IQSEC3: variants seen among roughly 807,000 people sequenced by gnomAD.
The protein encoded by IQSEC3 is IQ motif and Sec7 domain ArfGEF 3.
IQSEC3 carries 50 observed loss-of-function variants against 105.4 expected under a neutral mutation model. The ratio of observed to expected loss-of-function variants is 0.47; its 90% confidence interval spans 0.38 to 0.60. The LOEUF (loss-of-function observed/expected upper bound fraction) is 0.60, where lower values mean the gene tolerates loss of function less well. IQSEC3 is among the 20% of genes least tolerant of loss of function. The pLI is 0.00. For synonymous variants in IQSEC3, 708 were observed against 746.0 expected, an observed-to-expected ratio of 0.95 and a Z score of 0.83; for missense variants, 1,415 against 1,630.0, an observed-to-expected ratio of 0.87 and a Z score of 2.27.
intron 1 of IQSEC3, among the ~76,000 whole-genome samples, chr12:94,449 C>A (rs1864184162): frequency 6.6e-6 from 1 of 152,194 alleles, no homozygotes; most frequent in South Asian, 2.1e-4. Flanking sequence ...TCAGCATGAG[C>A]TAAACCCTGA....
chr12:126,506 G>C (rs927944422), intron 3 of IQSEC3, among the ~76,000 whole-genome samples: 2 of 151,624 alleles, frequency 1.3e-5, no homozygotes, highest in Non-Finnish European at 2.9e-5. Context: ...AAAAGATAAT[G>C]CCTCAGTTTG....
Position 125,903 on chromosome 12 carries a change from G to A in IQSEC3, c.894G>A (p.Lys298=), listed in dbSNP as rs985639416. The A allele has an allele frequency of 5.2e-6, 8 of 1,533,166 alleles. No homozygotes were observed. Among genetic ancestry groups the A allele is most frequent in the Non-Finnish European group, 7.0e-6 (8 of 1,146,276 alleles). 95.0% of individuals were successfully genotyped at this position (1,533,166 alleles called of 1,614,324 possible). The change falls in exon 3 of 14, where the codon AAG becomes AAA. Residue 298 remains lysine (K), a synonymous_variant. Coordinates refer to ENST00000538872, the MANE Select transcript of IQSEC3 (RefSeq NM_001170738.2). ...ATTACGAACTCTCCCTTGACCTAAA[G>A]AATAAACAGGTACCCAGGGCCTCCT... ...ASDYELSLDL[K]NKQIEMLEHK...
chr12:170,923 C>T (rs1938955094), intron 12 of IQSEC3, among the ~76,000 whole-genome samples, 189 bp from the exon 13 acceptor site: 1 of 152,208 alleles, frequency 6.6e-6, no homozygotes, highest in Non-Finnish European at 1.5e-5. Context: ...TGCGGCAGCC[C>T]AGAGAGATGT....
chr12:156,745 G>A (rs1555094367), intron 5 of IQSEC3, among the ~76,000 whole-genome samples: 1 of 152,202 alleles, frequency 6.6e-6, no homozygotes. Flanking sequence ...AAGAAGGAAG[G>A]AACTGGGATT....
chr12:103,165 G>T (rs1309145405), intron 2 of IQSEC3, among the ~76,000 whole-genome samples: 1 of 151,782 alleles, frequency 6.6e-6, no homozygotes, highest in African/African-American at 2.4e-5. Context: ...CCCTACTTTC[G>T]ATCCTGCCGC....
At chr12:163,053 CA>C (rs1400335275) in intron 8 of IQSEC3, among the ~76,000 whole-genome samples, 2 of 152,046 alleles carry the variant, frequency 1.3e-5, no homozygotes, top group African/African-American at 2.4e-5. Context: ...AGCCCTGGGA[CA>C]GGGGGTGAAC....
intron 7 of IQSEC3, 150 bp from the exon 8 acceptor site, chr12:161,776 T>C: frequency 1.5e-6 from 1 of 665,770 alleles, no homozygotes; most frequent in Non-Finnish European, 2.6e-6. Context: ...ATTGAATGGG[T>C]ATGAGGCACC....
At chr12:158,593 A>G (rs1158694996) in intron 7 of IQSEC3, among the ~76,000 whole-genome samples, 1 of 152,342 alleles carries the variant, frequency 6.6e-6, no homozygotes, top group East Asian at 1.9e-4. Flanking sequence ...CCATTTGACG[A>G]GTCCTGCCAG....
chr12:101,407 G>C (rs1180920254), intron 2 of IQSEC3, among the ~76,000 whole-genome samples: 2 of 152,240 alleles, frequency 1.3e-5, no homozygotes, highest in African/African-American at 4.8e-5. Context: ...CATGACCTTA[G>C]TTTCCAAGAG....
At chr12:71,353 T>C (rs1230914584) in intron 1 of IQSEC3, among the ~76,000 whole-genome samples, 7 of 152,272 alleles carry the variant, frequency 4.6e-5, no homozygotes, top group Non-Finnish European at 1.0e-4. Context: ...CACTCAGTGC[T>C]GTGGAAAGAT....
At chr12:120,518 GT>G (rs1485958969) in intron 2 of IQSEC3, among the ~76,000 whole-genome samples, 2 of 152,126 alleles carry the variant, frequency 1.3e-5, no homozygotes, top group East Asian at 1.9e-4. Context: ...TAGACAGGCT[GT>G]GGTGGCCACT....
rs1206674089 is a variant in IQSEC3, at chr12:99,262, T to C, written c.623+48T>C. 12 of 1,547,756 alleles carry C rather than the reference T, an allele frequency of 7.8e-6. No homozygotes were observed. The Admixed American group carries it at 1.6e-4, about 21-fold the overall frequency. ...CCTTCCGCATCCCCACCTTCCTTCC[T>C]GTTACAACAAAGCACGTACCACTGC... On this transcript the variant is annotated intron_variant, in intron 2 of 13. Coordinates refer to ENST00000538872, the MANE Select transcript of IQSEC3 (RefSeq NM_001170738.2).
In IQSEC3 at chr12:121,243, G is replaced by A. The variant is rs534763099; in HGVS notation, c.624-4390G>A. Among the ~76,000 whole-genome samples the A allele has an allele frequency of 2.0e-5, 3 of 152,332 alleles. No homozygotes were observed. In the East Asian group the frequency reaches 5.8e-4, roughly 29 times the overall value. ...GATGTTCTGGGAGCTAGAGCGATGG[G>A]CTTCCAGTTCCATAAGAGACTGGAT... On this transcript the variant is annotated intron_variant, in intron 2 of 13. Coordinates refer to ENST00000538872, the MANE Select transcript of IQSEC3 (RefSeq NM_001170738.2).
intron 1 of IQSEC3, among the ~76,000 whole-genome samples, chr12:86,126 G>C (rs1198850348): frequency 6.6e-6 from 1 of 152,206 alleles, no homozygotes; most frequent in Non-Finnish European, 1.5e-5. Flanking sequence ...GGAAAAAATA[G>C]ATGTTGCATT....
Position 141,181 on chromosome 12 carries a change from C to T in IQSEC3, c.2049C>T (p.Pro683=), listed in dbSNP as rs1315963179. The T allele has an allele frequency of 3.7e-6, 6 of 1,613,806 alleles. No homozygotes were observed. The highest frequency in any genetic ancestry group is 4.2e-6 in the Non-Finnish European group (5 of 1,179,972). ...CACGCGGCTTCATCCCGGACACCCC[C>T]ATCGGTGTGGCCCATTTCCTCCTCC... is the stretch of plus-strand genomic sequence containing the variant. The part of the protein sequence containing the change: ...LISRGFIPDT[P]IGVAHFLLQR... The change falls in exon 5 of 14, where the codon CCC becomes CCT. Residue 683 remains proline, a synonymous_variant. Coordinates refer to ENST00000538872, the MANE Select transcript of IQSEC3 (RefSeq NM_001170738.2).
chr12:139,044 G>A lies in IQSEC3; in HGVS notation c.1681G>A (p.Gly561Arg), dbSNP rs782686788. 9 of 1,486,568 alleles carry A rather than the reference G, an allele frequency of 6.1e-6. No individual in the cohort carries two copies. The South Asian group carries it at 1.1e-4, about 18-fold the overall frequency. 92.1% of individuals were successfully genotyped at this position (1,486,568 alleles called of 1,614,324 possible). Residue 561 changes from glycine (G) to arginine (R), a missense_variant, in exon 4 of 14, where the codon GGG becomes AGG. Transcript: ENST00000538872. The part of the protein sequence containing the change: ...EDSCAEAAAS[G>R]AADGATAPKT... ...CTCATGCGCAGAGGCTGCGGCTAGTGGGGCGGCGGATGGGGCCACAGCCCC... is the reference window on the plus strand; with the variant it reads ...CTCATGCGCAGAGGCTGCGGCTAGTAGGGCGGCGGATGGGGCCACAGCCCC...
At chr12:156,655 G>A (rs988580062) in intron 5 of IQSEC3, among the ~76,000 whole-genome samples, 2 of 152,194 alleles carry the variant, frequency 1.3e-5, no homozygotes, top group Non-Finnish European at 2.9e-5. Context: ...GGCTCCTAGC[G>A]GGTCTCTGAA....
At chr12:104,893 CG>C (rs1864591518) in intron 2 of IQSEC3, among the ~76,000 whole-genome samples, 1 of 152,370 alleles carries the variant, frequency 6.6e-6, no homozygotes, top group African/African-American at 2.4e-5. Flanking sequence ...CCAGCGATTA[CG>C]GAGCAATTAA....
At chr12:116,518 G>T (rs1369143090) in intron 2 of IQSEC3, among the ~76,000 whole-genome samples, 1 of 152,236 alleles carries the variant, frequency 6.6e-6, no homozygotes, top group Non-Finnish European at 1.5e-5. Context: ...GCCACAAAGG[G>T]CTGGGGTGTA....
Sources: gnomAD v4.1 joint callset for allele counts (sites outside exome capture counted in the v4.1 genomes callset) on GRCh38, gnomAD v4.1.1 for gene constraint, MANE v1.5 for transcripts, NCBI Gene and HGNC (gene_info 2026-07-23, HGNC 2026-07-21) for gene names.